The following PTPRD variants were observed in gnomAD, a reference collection of about 807,000 sequenced individuals.
The protein encoded by PTPRD is protein tyrosine phosphatase receptor type D.
Under a neutral mutation model 214.5 loss-of-function variants are expected in PTPRD, and 34 were observed. The observed-to-expected ratio is 0.16, with a 90% CI of 0.12 to 0.21. PTPRD has a LOEUF of 0.21. Ranked by LOEUF, PTPRD falls within the 10% of genes least tolerant of loss-of-function variation. The pLI is 1.00. For missense variants in PTPRD, 2,545 were observed against 2,398.7 expected, an observed-to-expected ratio of 1.06 and a Z score of -1.27; for synonymous variants, 1,128 against 845.7, an observed-to-expected ratio of 1.33 and a Z score of -5.79.
chr9:9,775,682 G>A lies in PTPRD; in HGVS notation c.-367-8831C>T, dbSNP rs369767033. ...TTCTTGGCTGGTTGCGGTGGCTCAC[G>A]CCTGTAATCCCAGCACTTTGGGAGG... On this transcript the variant is annotated intron_variant, in intron 5 of 45. Coordinates refer to ENST00000381196, the MANE Select transcript of PTPRD (RefSeq NM_002839.4). Among the ~76,000 whole-genome samples, 254 of 152,160 alleles carry A rather than the reference G, an allele frequency of 1.7e-3. 2 individuals carry two copies. Among genetic ancestry groups the A allele is most frequent in the African/African-American group, 5.7e-3 (238 of 41,520 alleles).
chr9:8,915,009 C>A (rs368396352), intron 11 of PTPRD, among the ~76,000 whole-genome samples: 1 of 151,820 alleles, frequency 6.6e-6, no homozygotes. Flanking sequence ...GAACCCTGTA[C>A]GAGAACACAT....
intron 10 of PTPRD, among the ~76,000 whole-genome samples, chr9:9,041,632 G>T (rs2099640158): frequency 6.6e-6 from 1 of 152,162 alleles, no homozygotes; most frequent in Non-Finnish European, 1.5e-5. Context: ...ACTATACCCT[G>T]AGGAGGCGTG....
At chr9:8,425,625 A>C (rs1402626954) in intron 35 of PTPRD, among the ~76,000 whole-genome samples, 1 of 151,742 alleles carries the variant, frequency 6.6e-6, no homozygotes, top group Admixed American at 6.6e-5. Flanking sequence ...ATATTGTCCC[A>C]CTCCCAAGAT....
At chr9:10,153,404 A>G (rs1161824426) in intron 3 of PTPRD, among the ~76,000 whole-genome samples, 1 of 151,372 alleles carries the variant, frequency 6.6e-6, no homozygotes, top group Non-Finnish European at 1.5e-5. Flanking sequence ...GTTTCTAAAA[A>G]TTATTTGCTT....
At chr9:10,408,838 T>C (rs765142798) in intron 2 of PTPRD, among the ~76,000 whole-genome samples, 20 of 151,770 alleles carry the variant, frequency 1.3e-4, no homozygotes, top group Admixed American at 1.3e-4. Flanking sequence ...CAATGTCAAA[T>C]GCTTTGCAAG....
chr9:8,333,625 G>T (rs141247031), intron 43 of PTPRD, among the ~76,000 whole-genome samples: 1 of 151,746 alleles, frequency 6.6e-6, no homozygotes, highest in Non-Finnish European at 1.5e-5. Context: ...GACCATCAAC[G>T]CTATGAAGAA....
chr9:9,283,216 T>A (rs902738626), intron 9 of PTPRD, among the ~76,000 whole-genome samples: 1 of 151,508 alleles, frequency 6.6e-6, no homozygotes, highest in African/African-American at 2.4e-5. Context: ...GGTACAAAAC[T>A]TCACTTTCTG....
chr9:8,664,497 G>A (rs559720933), intron 12 of PTPRD, among the ~76,000 whole-genome samples: 1 of 152,132 alleles, frequency 6.6e-6, no homozygotes, highest in African/African-American at 2.4e-5. Context: ...ACACCAAGAA[G>A]CATGGAAAAA....
chr9:9,405,879 G>T (rs1569568050), intron 8 of PTPRD, among the ~76,000 whole-genome samples: 1 of 151,894 alleles, frequency 6.6e-6, no homozygotes, highest in Non-Finnish European at 1.5e-5. Flanking sequence ...TCTTTCTTGA[G>T]ATAATTTGTA....
At chr9:9,911,244 G>C (rs2079093948) in intron 5 of PTPRD, among the ~76,000 whole-genome samples, 1 of 151,994 alleles carries the variant, frequency 6.6e-6, no homozygotes, top group African/African-American at 2.4e-5. Flanking sequence ...TCCAAGGCTG[G>C]ATAAAATATT....
At chr9:10,051,991 C>CTGGA (rs1458505097) in intron 3 of PTPRD, among the ~76,000 whole-genome samples, 1 of 152,094 alleles carries the variant, frequency 6.6e-6, no homozygotes, top group Non-Finnish European at 1.5e-5. Flanking sequence ...GTTACCCAGG[C>CTGGA]TGGAGTACAG....
intron 5 of PTPRD, among the ~76,000 whole-genome samples, chr9:9,835,464 G>A (rs2056472285): frequency 6.6e-6 from 1 of 152,120 alleles, no homozygotes; most frequent in African/African-American, 2.4e-5. Flanking sequence ...AAGATACAGT[G>A]ATGTACATTG....
intron 10 of PTPRD, among the ~76,000 whole-genome samples, chr9:9,078,935 A>T (rs953395005): frequency 6.6e-6 from 1 of 152,068 alleles, no homozygotes; most frequent in Admixed American, 6.6e-5. Flanking sequence ...CAATACTCAT[A>T]ATGTTGAGTG....
chr9:8,675,535 ACAC>A (rs796537164), intron 12 of PTPRD, among the ~76,000 whole-genome samples: 3 of 77,052 alleles, frequency 3.9e-5, no homozygotes, highest in African/African-American at 1.1e-4. Flanking sequence ...ACACACACAC[ACAC>A]AAAAAAAAAA....
chr9:9,706,951 C>A (rs2097630394), intron 7 of PTPRD, among the ~76,000 whole-genome samples: 1 of 151,862 alleles, frequency 6.6e-6, no homozygotes, highest in Non-Finnish European at 1.5e-5. Flanking sequence ...CCATTTGGCC[C>A]CACTAAAATA....
At chr9:9,008,448 C>CG (rs1442671984) in intron 11 of PTPRD, among the ~76,000 whole-genome samples, 3 of 151,770 alleles carry the variant, frequency 2.0e-5, no homozygotes, top group African/African-American at 7.3e-5. Flanking sequence ...AGGATGGTCT[C>CG]ATCTCCTGAC....
chr9:9,970,159 T>A (rs777202899), intron 4 of PTPRD, among the ~76,000 whole-genome samples: 1 of 152,088 alleles, frequency 6.6e-6, no homozygotes, highest in Non-Finnish European at 1.5e-5. Context: ...ATGGTTTTAG[T>A]CATGAGGTGT....
At chr9:8,540,801 G>C (rs2078207134) in intron 14 of PTPRD, among the ~76,000 whole-genome samples, 1 of 152,058 alleles carries the variant, frequency 6.6e-6, no homozygotes, top group African/African-American at 2.4e-5. Context: ...TAAGGCAATG[G>C]GAGCAAGAGG....
At chr9:10,530,486 A>T (rs746709712) in intron 2 of PTPRD, among the ~76,000 whole-genome samples, 132 of 152,194 alleles carry the variant, frequency 8.7e-4, no homozygotes, top group Admixed American at 1.7e-3. Flanking sequence ...CAATTAGCAC[A>T]CTTACCACGT....
Sources: gnomAD v4.1 joint callset for allele counts (sites outside exome capture counted in the v4.1 genomes callset) on GRCh38, gnomAD v4.1.1 for gene constraint, MANE v1.5 for transcripts, NCBI Gene and HGNC (gene_info 2026-07-23, HGNC 2026-07-21) for gene names.